Variants in GRID2 observed in about 807,000 individuals in gnomAD.
The protein encoded by GRID2 is glutamate ionotropic receptor delta type subunit 2.
In GRID2, 33 loss-of-function variants were observed where a neutral mutation model predicts 114.8. The ratio of observed to expected loss-of-function variants is 0.29; its 90% CI spans 0.22 to 0.38. The LOEUF is 0.38. Among genes scored for constraint, GRID2 ranks in the 10% least tolerant of loss-of-function variants. GRID2 has a pLI of 1.00. For synonymous variants in GRID2, 505 were observed against 449.9 expected (o/e 1.12, Z -1.55); for missense variants, 1,184 against 1,257.7 (o/e 0.94, Z 0.89).
intron 4 of GRID2, among the ~76,000 whole-genome samples, chr4:93,130,196 T>C (rs771571079): frequency 1.3e-5 from 2 of 152,172 alleles, no homozygotes; most frequent in Non-Finnish European, 2.9e-5. Flanking sequence ...TCCCACCACT[T>C]TGGGAGGCTG....
chr4:93,261,390 A>G (rs1750238840), intron 8 of GRID2, among the ~76,000 whole-genome samples: 1 of 151,836 alleles, frequency 6.6e-6, no homozygotes, highest in Non-Finnish European at 1.5e-5. Flanking sequence ...TCATGTACAC[A>G]ATCTAACTCA....
chr4:93,649,125 C>G (rs1394494781), intron 14 of GRID2, among the ~76,000 whole-genome samples: 1 of 152,114 alleles, frequency 6.6e-6, no homozygotes, highest in Admixed American at 6.6e-5. Context: ...TCATCTTCAA[C>G]AACCAAAATC....
chr4:93,796,631 C>T (rs1430317498), intron 1 of GRID2, among the ~76,000 whole-genome samples: 11 of 152,194 alleles, frequency 7.2e-5, no homozygotes, highest in African/African-American at 2.7e-4. Context: ...GCAACCTCCA[C>T]CTCCCGAGTT....
intron 1 of GRID2, among the ~76,000 whole-genome samples, chr4:92,389,076 C>T (rs1213523835): frequency 1.3e-5 from 2 of 151,918 alleles, no homozygotes; most frequent in East Asian, 3.9e-4. Flanking sequence ...TTCTATAGGA[C>T]AGTAGTTAAT....
chr4:93,364,836 C>A (rs1328487414), intron 8 of GRID2, among the ~76,000 whole-genome samples: 1 of 152,124 alleles, frequency 6.6e-6, no homozygotes, highest in African/African-American at 2.4e-5. Context: ...GGTCATATTT[C>A]TCATTATTCT....
chr4:93,796,258 A>G (rs553062850), intron 1 of GRID2, among the ~76,000 whole-genome samples: 1 of 152,110 alleles, frequency 6.6e-6, no homozygotes, highest in African/African-American at 2.4e-5. Flanking sequence ...GACCTAATCA[A>G]AGATTGATAC....
At chr4:92,579,979 T>C (rs1728097762) in intron 1 of GRID2, among the ~76,000 whole-genome samples, 1 of 140,048 alleles carries the variant, frequency 7.1e-6, no homozygotes, top group South Asian at 2.3e-4. Flanking sequence ...ATTTTATATA[T>C]GTATATGTAT....
Position 92,663,642 on chromosome 4 carries a change from C to T in GRID2, c.244+73356C>T, listed in dbSNP as rs150796762. The stretch of plus-strand genomic sequence containing the variant: ...TTTCCAATTCTTATTTTGGTAAGTA[C>T]AAATGGTATAAAATTTGCCATCTTA... On this transcript the variant is annotated intron_variant, in intron 2 of 15. Transcript: ENST00000282020. Among the ~76,000 whole-genome samples, 94 of 151,074 alleles carry T rather than the reference C, an allele frequency of 6.2e-4. No homozygotes were observed. In the East Asian group the frequency reaches 8.6e-3, roughly 14 times the overall value.
intron 1 of GRID2, among the ~76,000 whole-genome samples, chr4:92,433,365 A>G (rs1030261215): frequency 2.0e-5 from 3 of 152,096 alleles, no homozygotes; most frequent in Admixed American, 2.0e-4. Context: ...TTTCAAGTTT[A>G]TGTAGGTTGC....
chr4:93,607,276 C>T (rs1445214811), intron 13 of GRID2, among the ~76,000 whole-genome samples: 1 of 152,056 alleles, frequency 6.6e-6, no homozygotes, highest in East Asian at 1.9e-4. Flanking sequence ...AAGTCCTGGT[C>T]ATTGTTGGTT....
At chr4:93,593,057 A>T (rs1353025382) in intron 13 of GRID2, among the ~76,000 whole-genome samples, 1 of 151,508 alleles carries the variant, frequency 6.6e-6, no homozygotes, top group Non-Finnish European at 1.5e-5. Flanking sequence ...GTCCATTTAC[A>T]TTTAAAGTTA....
At chr4:92,573,245 T>C (rs1727718545) in intron 1 of GRID2, among the ~76,000 whole-genome samples, 1 of 148,106 alleles carries the variant, frequency 6.8e-6, no homozygotes, top group Non-Finnish European at 1.5e-5. Flanking sequence ...AGGAGTCTAT[T>C]TTATTTTTTT....
rs184039091 is a variant in GRID2 at position 92,624,739 on chromosome 4, G to A, written c.244+34453G>A. ...AAATATCCCCATACTCTTGTTTTCA[G>A]CAATAATAGAGAATATTTTCACCTT... On this transcript the variant is annotated intron_variant, in intron 2 of 15. Coordinates refer to ENST00000282020, the MANE Select transcript of GRID2 (RefSeq NM_001510.4). 6.3e-4 allele frequency among the ~76,000 whole-genome samples: 95 copies of A among 151,764 alleles called. No homozygotes were observed. In the Middle Eastern group the frequency reaches 0.01, roughly 16 times the overall value.
intron 8 of GRID2, among the ~76,000 whole-genome samples, chr4:93,361,467 G>GATT (rs149947795): frequency 0.077 from 11,388 of 147,586 alleles, 445 homozygotes; most frequent in African/African-American, 0.092. Flanking sequence ...ATGTTACTGT[G>GATT]ATTATTATTA....
At chr4:92,675,699 C>T (rs890192061) in intron 2 of GRID2, among the ~76,000 whole-genome samples, 7 of 151,788 alleles carry the variant, frequency 4.6e-5, no homozygotes, top group South Asian at 2.1e-4. Context: ...TACAGGGGTC[C>T]GCCACGACGC....
intron 2 of GRID2, among the ~76,000 whole-genome samples, chr4:92,597,868 ATAATT>A (rs1729027745): frequency 6.6e-6 from 1 of 152,228 alleles, no homozygotes; most frequent in African/African-American, 2.4e-5. Context: ...TAGTCATAAA[ATAATT>A]TAAGTTCATG....
intron 14 of GRID2, among the ~76,000 whole-genome samples, chr4:93,662,804 A>G (rs1723612410): frequency 6.6e-6 from 1 of 152,222 alleles, no homozygotes; most frequent in Admixed American, 6.5e-5. Context: ...ACCAGATCAA[A>G]CTAATCCCTC....
chr4:92,515,788 G>GA (rs1560682991), intron 1 of GRID2, among the ~76,000 whole-genome samples: 1 of 151,784 alleles, frequency 6.6e-6, no homozygotes, highest in Non-Finnish European at 1.5e-5. Context: ...GATTAACAGA[G>GA]AAAAAAAGAA....
chr4:93,751,164 G>T (rs1560973021), intron 14 of GRID2, among the ~76,000 whole-genome samples: 1 of 152,096 alleles, frequency 6.6e-6, no homozygotes, highest in Non-Finnish European at 1.5e-5. Context: ...CTGACAATAG[G>T]ATCATTAACT....
Sources: allele counts gnomAD v4.1 joint callset (sites outside exome capture counted in the v4.1 genomes callset), GRCh38; gene constraint gnomAD v4.1.1; transcripts MANE v1.5; gene names NCBI Gene and HGNC (gene_info 2026-07-23, HGNC 2026-07-21).